Variants in UTY observed in about 807,000 individuals in gnomAD.
UTY encodes the protein ubiquitously transcribed tetratricopeptide repeat containing, Y-linked.
UTY carries 12 observed loss-of-function variants against 32.5 expected under a neutral mutation model. That is an observed-to-expected ratio of 0.37 (90% confidence interval 0.24 to 0.60). The LOEUF (loss-of-function observed/expected upper bound fraction) is 0.60. Among genes scored for constraint, UTY ranks in the 20% least tolerant of loss-of-function variants. UTY has a pLI of 0.69. For synonymous variants in UTY, 131 were observed against 103.4 expected, an observed-to-expected ratio of 1.27 and a Z score of -1.62; for missense variants, 303 against 299.2, an observed-to-expected ratio of 1.01 and a Z score of -0.09.
chrY:13,410,859 A>T, intron 6 of UTY, 134 bp downstream of exon 6: 1 of 217,466 alleles, frequency 4.6e-6, no homozygotes, highest in East Asian at 1.3e-4. Flanking sequence ...TTTAGGTCAT[A>T]TCCTCAATTT....
intron 8 of UTY, among the ~76,000 whole-genome samples, chrY:13,382,681 A>C: frequency 5.8e-5 from 2 of 34,264 alleles, no homozygotes; most frequent in African/African-American, 2.3e-4. Flanking sequence ...TGAATCTACA[A>C]ATCAGACTTA....
intron 21 of UTY, among the ~76,000 whole-genome samples, chrY:13,317,624 ATAAT>A (rs2059571866): frequency 3.0e-5 from 1 of 33,582 alleles, no homozygotes; most frequent in Non-Finnish European, 7.3e-5. Context: ...ATAACTTTAA[ATAAT>A]TACAGTTGTG....
rs763022549 is a variant in UTY, at chrY:13,358,470, T to C, written c.1470A>G (p.Pro490=). The change falls in exon 14 of 30, where the codon CCA becomes CCG. Residue 490 remains proline, a synonymous_variant. Coordinates refer to ENST00000545955, the MANE Select transcript of UTY (RefSeq NM_001258249.2). The part of the protein sequence containing the change: ...SPAKKKRTSS[P]TKNGSDNWNG... Reference sequence around the variant, plus strand: ...CTCTAAAATGTATATATACCTTTGTTGGACTAGATGTTCTTTTCTTCTTGG... The same window carrying C: ...CTCTAAAATGTATATATACCTTTGTCGGACTAGATGTTCTTTTCTTCTTGG... 4.5e-4 allele frequency: 168 copies of C among 376,233 alleles called. No individual in the cohort carries two copies. Among genetic ancestry groups the C allele is most frequent in the Admixed American group, 7.0e-4 (8 of 11,369 alleles). 93.8% of individuals were successfully genotyped at this position (376,233 alleles called of 400,897 possible).
chrY:13,312,404 G>A, intron 21 of UTY, among the ~76,000 whole-genome samples: 2 of 19,782 alleles, frequency 1.0e-4, no homozygotes, highest in Non-Finnish European at 2.2e-4. Flanking sequence ...AAAAAAAAAA[G>A]AGGACATATA....
chrY:13,287,704 G>C (rs542151244), intron 27 of UTY, among the ~76,000 whole-genome samples: 443 of 32,799 alleles, frequency 0.014, no homozygotes, highest in Admixed American at 0.11. Context: ...TACTAGTCTT[G>C]TGTCATCTAG....
chrY:13,450,386 A>C (rs2076222905), intron 3 of UTY, among the ~76,000 whole-genome samples: 1 of 33,482 alleles, frequency 3.0e-5, no homozygotes, highest in Non-Finnish European at 7.4e-5. Context: ...ACTGTACCCC[A>C]GCTCAGTAAG....
intron 21 of UTY, among the ~76,000 whole-genome samples, chrY:13,311,084 T>G (rs1603366438): frequency 9.2e-4 from 23 of 25,121 alleles, no homozygotes; most frequent in Admixed American, 3.6e-3. Flanking sequence ...TGAGACTCCG[T>G]CCCCAAAAAA....
chrY:13,260,161 G>C, intron 28 of UTY, 117 bp downstream of exon 28: 2 of 236,069 alleles, frequency 8.5e-6, no homozygotes, highest in Non-Finnish European at 1.3e-5. Context: ...AGTTTTAATA[G>C]TCAATTTCAA....
intron 27 of UTY, among the ~76,000 whole-genome samples, chrY:13,283,212 GT>G (rs2057151539): frequency 2.9e-5 from 1 of 34,366 alleles, no homozygotes; most frequent in African/African-American, 1.1e-4. Flanking sequence ...CACCCATGGA[GT>G]GCCTGCATTG....
chrY:13,307,133 TTTAGTTA>T (rs2058740357), intron 21 of UTY, among the ~76,000 whole-genome samples: 1 of 33,072 alleles, frequency 3.0e-5, no homozygotes, highest in Non-Finnish European at 7.4e-5. Flanking sequence ...TAGTATCATA[TTTAGTTA>T]CCCTGGCTTT....
chrY:13,460,491 G>A, intron 3 of UTY, among the ~76,000 whole-genome samples: 2 of 33,252 alleles, frequency 6.0e-5, no homozygotes, highest in African/African-American at 1.2e-4. Context: ...GCTTGATCTC[G>A]GAAGTTCAAG....
At chrY:13,415,859 A>C in intron 4 of UTY, among the ~76,000 whole-genome samples, 1 of 34,307 alleles carries the variant, frequency 2.9e-5, no homozygotes, top group Non-Finnish European at 7.3e-5. Flanking sequence ...ACAACAACAG[A>C]ACAGCAGGTT....
chrY:13,254,437 T>A (rs1603243184), intron 28 of UTY, among the ~76,000 whole-genome samples: 1 of 33,441 alleles, frequency 3.0e-5, no homozygotes, highest in Non-Finnish European at 7.4e-5. Context: ...GGGCTAATCA[T>A]TGTCACTCTA....
chrY:13,379,118 T>G, intron 8 of UTY, among the ~76,000 whole-genome samples: 1 of 32,963 alleles, frequency 3.0e-5, no homozygotes, highest in Non-Finnish European at 7.5e-5. Context: ...ACCAACCCCG[T>G]GCTGGGGTCT....
intron 3 of UTY, among the ~76,000 whole-genome samples, chrY:13,467,634 TG>T (rs2078038058): frequency 3.1e-5 from 1 of 31,817 alleles, no homozygotes; most frequent in Non-Finnish European, 7.6e-5. Flanking sequence ...CTGGGAGTGG[TG>T]GCAGGCGCCT....
intron 4 of UTY, among the ~76,000 whole-genome samples, chrY:13,418,555 A>G (rs2072094486): frequency 3.0e-5 from 1 of 32,900 alleles, no homozygotes; most frequent in Non-Finnish European, 7.5e-5. Flanking sequence ...ATTTCTCCAC[A>G]TCCTCTCTAG....
intron 3 of UTY, among the ~76,000 whole-genome samples, chrY:13,452,308 C>T (rs2076389014): frequency 3.1e-5 from 1 of 32,735 alleles, no homozygotes; most frequent in African/African-American, 1.2e-4. Context: ...ATGAGGCGGA[C>T]GCTGCAGTGA....
intron 4 of UTY, among the ~76,000 whole-genome samples, chrY:13,447,941 A>G (rs531387864): frequency 1.8e-4 from 6 of 33,852 alleles, no homozygotes; most frequent in African/African-American, 6.9e-4. Flanking sequence ...ACACTATACC[A>G]AGGGACACAG....
chrY:13,411,043 G>A lies in UTY; in HGVS notation c.505C>T (p.Arg169Ter). 1 of 397,660 alleles carries A rather than the reference G, an allele frequency of 2.5e-6. No homozygotes were observed. Among genetic ancestry groups the A allele is most frequent in the African/African-American group, 6.2e-5 (1 of 16,245 alleles). ...TTCACTTTGAACATGAGCCCAAGTC[G>A]TAAATGAATTTCCTTGGCTCGACAA... Reference protein sequence around the residue: ...SFCRAKEIHLRLGLMFKVNTD... With the variant: ...SFCRAKEIHL Residue 169 changes from arginine to a stop codon, truncating the protein, a stop_gained, in exon 6 of 30, where the codon CGA becomes TGA. Coordinates refer to ENST00000545955, the MANE Select transcript of UTY (RefSeq NM_001258249.2). LOFTEE classifies it high-confidence loss of function.
Sources: gnomAD v4.1 joint callset for allele counts (sites outside exome capture counted in the v4.1 genomes callset) on GRCh38, gnomAD v4.1.1 for gene constraint, MANE v1.5 for transcripts, NCBI Gene and HGNC (gene_info 2026-07-23, HGNC 2026-07-21) for gene names.